The following USP22 variants were observed in gnomAD, a reference collection of about 807,000 sequenced individuals.
The protein encoded by USP22 is ubiquitin specific peptidase 22.
In USP22, 22 loss-of-function variants were observed where a neutral mutation model predicts 68.1. The ratio of observed to expected loss-of-function variants is 0.32; its 90% CI spans 0.23 to 0.46. USP22 has a LOEUF of 0.46. Among genes scored for constraint, USP22 ranks in the 20% least tolerant of loss-of-function variants. USP22 has a pLI of 1.00. For missense variants in USP22, 433 were observed against 695.8 expected (o/e 0.62, Z 4.25); for synonymous variants, 279 against 274.2 (o/e 1.02, Z -0.17).
chr17:21,028,503 G>A (rs374719865), intron 2 of USP22, 39 bp downstream of exon 2: 3 of 1,601,240 alleles, frequency 1.9e-6, no homozygotes, highest in East Asian at 2.2e-5. Context: ...AGCAATTTGG[G>A]GGCCACAACT....
At chr17:21,007,825 TAA>T (rs1272037576) in intron 9 of USP22, 43 bp downstream of exon 9, 1 of 1,613,632 alleles carries the variant, frequency 6.2e-7, no homozygotes, top group South Asian at 1.1e-5. Context: ...TACTGTGGAC[TAA>T]AAACTAAGTC....
intron 2 of USP22, among the ~76,000 whole-genome samples, chr17:21,021,905 GC>G (rs376765035): frequency 3.3e-4 from 50 of 152,180 alleles, no homozygotes; most frequent in African/African-American, 1.1e-3. Flanking sequence ...TTCAAGACCA[GC>G]CTGGTCAACA....
intron 8 of USP22, among the ~76,000 whole-genome samples, chr17:21,009,895 C>T (rs892996962): frequency 1.3e-5 from 2 of 151,128 alleles, no homozygotes; most frequent in African/African-American, 4.9e-5. Flanking sequence ...GTGGAGGTTG[C>T]AGTGAGCCAA....
At chr17:21,014,764 A>G (rs1914079265) in intron 6 of USP22, among the ~76,000 whole-genome samples, 1 of 152,182 alleles carries the variant, frequency 6.6e-6, no homozygotes, top group South Asian at 2.1e-4. Flanking sequence ...CTCCAAGTTA[A>G]AATTAACTGA....
At chr17:21,031,514 G>C (rs1042426628) in intron 1 of USP22, among the ~76,000 whole-genome samples, 2 of 150,390 alleles carry the variant, frequency 1.3e-5, no homozygotes, top group African/African-American at 4.9e-5. Context: ...CACAACCTAG[G>C]ACTATGCTAC....
intron 3 of USP22, among the ~76,000 whole-genome samples, chr17:21,020,175 G>A (rs558391707): frequency 7.6e-6 from 1 of 132,162 alleles, no homozygotes; most frequent in East Asian, 2.4e-4. Flanking sequence ...TGTCAACTGG[G>A]GTAAACCACA....
chr17:21,017,557 G>A (rs1322511352), intron 5 of USP22, among the ~76,000 whole-genome samples: 2 of 152,204 alleles, frequency 1.3e-5, no homozygotes, highest in Admixed American at 6.5e-5. Flanking sequence ...GAGACCTGGC[G>A]GTGGAGGAGA....
Position 21,004,975 on chromosome 17 carries a change from C to T in USP22, c.1338G>A (p.Met446Ile). Residue 446 changes from methionine to isoleucine, a missense_variant, in exon 11 of 13, where the codon ATG becomes ATA. Around this residue, in one of 4 missense-constraint regions of USP22, gnomAD observed 178 missense variants for 351.5 expected, o/e 0.51. Transcript: ENST00000261497. ...CCGTGGGCTGCTGGTACTGTCCATT[C>T]ATCCTGCTCTCTTTGCTGTAACAGA... Reference protein sequence around the residue: ...PFMASSKESRMNGQYQQPTDS... With the variant: ...PFMASSKESRINGQYQQPTDS... The T allele has an allele frequency of 2.2e-5, 35 of 1,614,228 alleles. No homozygotes were observed. Among genetic ancestry groups the T allele is most frequent in the Non-Finnish European group, 3.0e-5 (35 of 1,180,030 alleles).
chr17:21,028,431 T>G, intron 2 of USP22, 111 bp downstream of exon 2: 108 of 1,513,844 alleles, frequency 7.1e-5, no homozygotes, highest in Non-Finnish European at 8.8e-5. Context: ...ACGCATTACT[T>G]GAGACAAACG....
chr17:21,035,941 G>A (rs1972348270), intron 1 of USP22, among the ~76,000 whole-genome samples: 1 of 142,564 alleles, frequency 7.0e-6, no homozygotes, highest in East Asian at 2.1e-4. Context: ...TGAGGCAAGA[G>A]AATGGCGTGA....
intron 2 of USP22, among the ~76,000 whole-genome samples, chr17:21,022,521 CGGGT>C (rs1195352271): frequency 2.0e-5 from 3 of 152,104 alleles, no homozygotes; most frequent in Admixed American, 2.0e-4. Context: ...TGGGGTTAAC[CGGGT>C]GTGGTGGTTC....
rs1972124043 is a variant in USP22, at chr17:21,019,188, A to G, written c.419-3T>C. On this transcript the variant is annotated splice_polypyrimidine_tract_variant and splice_region_variant and intron_variant, in intron 3 of 12. Coordinates refer to ENST00000261497, the MANE Select transcript of USP22 (RefSeq NM_015276.2). The stretch of plus-strand genomic sequence containing the variant: ...AGTTGAAAACTTCTCTCCAACGCCT[A>G]AGCAGATGAAGGACAGTTCCAAGCG... 6.2e-7 allele frequency: 1 copy of G among 1,613,636 alleles called. No homozygotes were observed. Among genetic ancestry groups the G allele is most frequent in the African/African-American group, 1.3e-5 (1 of 74,922 alleles).
intron 10 of USP22, 136 bp from the exon 11 acceptor site, chr17:21,005,126 A>C (rs1913739691): frequency 1.0e-6 from 1 of 987,246 alleles, no homozygotes; most frequent in Admixed American, 2.2e-5. Context: ...CTTCAGGCAG[A>C]AATCTCCCCA....
intron 1 of USP22, among the ~76,000 whole-genome samples, chr17:21,031,626 C>G (rs958865557): frequency 1.2e-4 from 17 of 139,888 alleles, no homozygotes; most frequent in African/African-American, 4.5e-4. Context: ...GCTACACACT[C>G]CATTATAGTC....
At chr17:21,037,041 A>G (rs1391690825) in intron 1 of USP22, among the ~76,000 whole-genome samples, 1 of 152,212 alleles carries the variant, frequency 6.6e-6, no homozygotes, top group Admixed American at 6.5e-5. Flanking sequence ...AACGAACAAA[A>G]AATAATGTGG....
At chr17:21,035,945 G>C (rs568849099) in intron 1 of USP22, among the ~76,000 whole-genome samples, 1 of 148,714 alleles carries the variant, frequency 6.7e-6, no homozygotes, top group Non-Finnish European at 1.5e-5. Context: ...GCAAGAGAAT[G>C]GCGTGAACCC....
In USP22 at chr17:21,002,649, A is replaced by G. The variant is rs1030630023; in HGVS notation, c.*382T>C. ...TCCAGCTTACTGCTTTCATGGACCCATAATCTTACAGCAGGTAGGGGCCTT... is the reference window on the plus strand; with the variant it reads ...TCCAGCTTACTGCTTTCATGGACCCGTAATCTTACAGCAGGTAGGGGCCTT... On this transcript the variant is annotated 3_prime_UTR_variant, in exon 13 of 13. Transcript: ENST00000261497. 6.0e-5 allele frequency: 17 copies of G among 284,366 alleles called. No individual in the cohort carries two copies. Among genetic ancestry groups the G allele is most frequent in the Admixed American group, 9.2e-5 (2 of 21,810 alleles). The allele number at this position is 284,366 out of a possible 1,614,324, so 17.6% of individuals were successfully genotyped here. A position where few individuals can be genotyped will look rare whatever the true frequency, so the allele number is the denominator to read the frequency against.
rs1913596454 is a variant in USP22 at position 21,001,957 on chromosome 17, G to A, written c.*1074C>T. ...AAAGTACACCAAATGTAAAGCAGAG[G>A]CAGACGAGACAAGATGCAGGCTCCA... On this transcript the variant is annotated 3_prime_UTR_variant, in exon 13 of 13. Transcript: ENST00000261497. 1 of 152,208 alleles carries A rather than the reference G, an allele frequency of 6.6e-6. No individual in the cohort carries two copies. The highest frequency in any genetic ancestry group is 2.4e-5 in the African/African-American group (1 of 41,446). The allele number at this position is 152,208 out of a possible 1,614,324, so 9.4% of individuals were successfully genotyped here. A position where few individuals can be genotyped will look rare whatever the true frequency, so the allele number is the denominator to read the frequency against.
At chr17:21,007,457 G>A (rs573258416) in intron 9 of USP22, among the ~76,000 whole-genome samples, 2 of 152,276 alleles carry the variant, frequency 1.3e-5, no homozygotes, top group Admixed American at 6.5e-5. Context: ...ATGATCGCAC[G>A]CAGCCTGTGG....
Sources: allele counts gnomAD v4.1 joint callset (sites outside exome capture counted in the v4.1 genomes callset), GRCh38; gene constraint gnomAD v4.1.1; regional missense constraint gnomAD v4.1.1; transcripts MANE v1.5; gene names NCBI Gene and HGNC (gene_info 2026-07-23, HGNC 2026-07-21).